The following TMC1 variants were observed in gnomAD, a reference collection of about 807,000 sequenced individuals.
TMC1 encodes the protein transmembrane channel like 1, also known as transmembrane channel-like protein 1.
Under a neutral mutation model 105.8 loss-of-function variants are expected in TMC1, and 84 were observed. The observed-to-expected ratio is 0.79, with a 90% CI of 0.67 to 0.95. The LOEUF (loss-of-function observed/expected upper bound fraction) is 0.95, where lower values mean the gene tolerates loss of function less well. Among genes scored for constraint, TMC1 ranks in the 40% least tolerant of loss-of-function variants. The probability of loss-of-function intolerance (pLI) is 0.00; values close to 1 mark genes in which losing one functional copy is unlikely to be tolerated. For missense variants in TMC1, 817 were observed against 914.1 expected (o/e 0.89, Z 1.37); for synonymous variants, 315 against 311.5 (o/e 1.01, Z -0.12).
intron 2 of TMC1, among the ~76,000 whole-genome samples, chr9:72,601,591 G>C (rs1379808934): frequency 6.6e-6 from 1 of 152,152 alleles, no homozygotes; most frequent in Non-Finnish European, 1.5e-5. Context: ...GTTGTAGTGA[G>C]CTGAGATCGT....
chr9:72,551,319 T>A (rs1435715732), intron 1 of TMC1, among the ~76,000 whole-genome samples: 1 of 152,226 alleles, frequency 6.6e-6, no homozygotes, highest in East Asian at 1.9e-4. Flanking sequence ...CTGGGATCCA[T>A]CTGCCCTAGC....
chr9:72,749,989 C>A (rs1235627508), intron 10 of TMC1, among the ~76,000 whole-genome samples: 1 of 152,032 alleles, frequency 6.6e-6, no homozygotes, highest in Non-Finnish European at 1.5e-5. Context: ...TGCCTGTAAT[C>A]CCAGCTACTC....
chr9:72,776,889 T>C (rs1828015392), intron 13 of TMC1, among the ~76,000 whole-genome samples: 1 of 152,194 alleles, frequency 6.6e-6, no homozygotes, highest in South Asian at 2.1e-4. Flanking sequence ...GATGTCTCTG[T>C]CTCGTCCTGG....
At chr9:72,619,816 A>T (rs958081906) in intron 3 of TMC1, among the ~76,000 whole-genome samples, 9 of 125,138 alleles carry the variant, frequency 7.2e-5, no homozygotes, top group Non-Finnish European at 9.6e-5. Flanking sequence ...TTATTTAATT[A>T]ATTAATTAAT....
At chr9:72,763,185 C>T (rs540407354) in intron 12 of TMC1, among the ~76,000 whole-genome samples, 1 of 147,668 alleles carries the variant, frequency 6.8e-6, no homozygotes, top group Admixed American at 6.9e-5. Context: ...TTTTCTTTTG[C>T]AAATATTAGG....
chr9:72,782,217 A>G (rs771784312), intron 13 of TMC1, among the ~76,000 whole-genome samples: 15 of 152,222 alleles, frequency 9.9e-5, no homozygotes, highest in Non-Finnish European at 1.9e-4. Context: ...AAACTACGTG[A>G]TCATCTCAAT....
intron 21 of TMC1, among the ~76,000 whole-genome samples, chr9:72,828,359 C>T (rs1392370960): frequency 1.3e-5 from 2 of 151,980 alleles, no homozygotes; most frequent in Admixed American, 6.6e-5. Context: ...GCATGTTAAT[C>T]AGTATCCTGT....
chr9:72,835,935 T>C lies in TMC1; in HGVS notation c.2261-16T>C, dbSNP rs1243733924. ...TCCTTGTTTTTTTTTTTTTTTTTTT[T>C]CTGTTTTGTGAACAGCTGCAGCTGC... On this transcript the variant is annotated splice_polypyrimidine_tract_variant and intron_variant, in intron 23 of 23. Transcript: ENST00000297784. 34 of 1,545,866 alleles carry C rather than the reference T, an allele frequency of 2.2e-5. No individual in the cohort carries two copies. Among genetic ancestry groups the C allele is most frequent in the African/African-American group, 4.3e-5 (3 of 69,364 alleles).
At chr9:72,649,122 G>A (rs1825760806) in intron 5 of TMC1, among the ~76,000 whole-genome samples, 1 of 152,182 alleles carries the variant, frequency 6.6e-6, no homozygotes, top group Admixed American at 6.5e-5. Flanking sequence ...GTCAGGGATA[G>A]CAGAGAAAGG....
At chr9:72,713,386 T>C (rs1289537579) in intron 8 of TMC1, among the ~76,000 whole-genome samples, 1 of 152,218 alleles carries the variant, frequency 6.6e-6, no homozygotes, top group Non-Finnish European at 1.5e-5. Flanking sequence ...GGAATTCATC[T>C]GTGAATTTGT....
At chr9:72,785,499 A>G (rs1201059683) in intron 13 of TMC1, among the ~76,000 whole-genome samples, 1 of 152,198 alleles carries the variant, frequency 6.6e-6, no homozygotes, top group Admixed American at 6.5e-5. Context: ...CACTTAAAGG[A>G]AGCACTTTAA....
chr9:72,703,791 C>G (rs925130053), intron 8 of TMC1, among the ~76,000 whole-genome samples: 8 of 152,220 alleles, frequency 5.3e-5, no homozygotes, highest in Admixed American at 5.2e-4. Context: ...GTCAGCAAGG[C>G]TCACAGTCTG....
At chr9:72,799,097 C>G (rs1437334416) in intron 17 of TMC1, among the ~76,000 whole-genome samples, 1 of 151,976 alleles carries the variant, frequency 6.6e-6, no homozygotes, top group African/African-American at 2.4e-5. Context: ...AAATCTACTT[C>G]AGATCTCGTA....
intron 18 of TMC1, among the ~76,000 whole-genome samples, chr9:72,809,958 T>A (rs919373379): frequency 6.6e-5 from 10 of 150,630 alleles, no homozygotes; most frequent in African/African-American, 7.3e-5. Flanking sequence ...TGTGTGTGTG[T>A]GAGAGAGAGA....
At chr9:72,776,053 T>C (rs916022658) in intron 13 of TMC1, among the ~76,000 whole-genome samples, 1 of 152,154 alleles carries the variant, frequency 6.6e-6, no homozygotes, top group African/African-American at 2.4e-5. Context: ...ACATGACATT[T>C]GGGGAGACAA....
chr9:72,722,994 T>A (rs763365707), intron 8 of TMC1, among the ~76,000 whole-genome samples: 4 of 152,132 alleles, frequency 2.6e-5, no homozygotes, highest in Non-Finnish European at 5.9e-5. Flanking sequence ...GTAAAACTGA[T>A]CTGGAACAAC....
At chr9:72,750,128 T>C (rs1476524242) in intron 10 of TMC1, among the ~76,000 whole-genome samples, 1 of 151,902 alleles carries the variant, frequency 6.6e-6, no homozygotes, top group Non-Finnish European at 1.5e-5. Flanking sequence ...AAAAAAAGAA[T>C]AGACAAAGGT....
At chr9:72,809,812 A>C (rs1384931668) in intron 18 of TMC1, among the ~76,000 whole-genome samples, 1 of 152,176 alleles carries the variant, frequency 6.6e-6, no homozygotes, top group African/African-American at 2.4e-5. Flanking sequence ...GGAGTTGAGA[A>C]ACCACTGCCA....
chr9:72,526,983 G>A (rs954413892), intron 1 of TMC1, among the ~76,000 whole-genome samples: 4 of 152,180 alleles, frequency 2.6e-5, no homozygotes, highest in Non-Finnish European at 5.9e-5. Flanking sequence ...TGCCATTTAG[G>A]CATGAATCCA....
Sources: gnomAD v4.1 joint callset for allele counts (sites outside exome capture counted in the v4.1 genomes callset) on GRCh38, gnomAD v4.1.1 for gene constraint, MANE v1.5 for transcripts, NCBI Gene and HGNC (gene_info 2026-07-23, HGNC 2026-07-21) for gene names.